The following CCSER1 variants were observed in gnomAD, a reference collection of about 807,000 sequenced individuals.
CCSER1 encodes serine-rich coiled-coil domain-containing protein 1.
A neutral mutation model predicts 82.0 loss-of-function variants in CCSER1; 41 were observed. The observed-to-expected ratio is 0.50, with a 90% CI of 0.39 to 0.65. The LOEUF is 0.65. CCSER1 is among the 30% of genes least tolerant of loss of function. The pLI is 0.00. For synonymous variants in CCSER1, 414 were observed against 383.9 expected (o/e 1.08, Z -0.92); for missense variants, 1,119 against 1,064.2 (o/e 1.05, Z -0.72).
intron 3 of CCSER1, among the ~76,000 whole-genome samples, chr4:90,350,454 T>C (rs1430488202): frequency 6.6e-6 from 1 of 151,984 alleles, no homozygotes; most frequent in Non-Finnish European, 1.5e-5. Context: ...GATGAAGAAA[T>C]AAAAATTGGA....
At chr4:91,562,574 C>G (rs1474167954) in intron 10 of CCSER1, among the ~76,000 whole-genome samples, 1 of 151,430 alleles carries the variant, frequency 6.6e-6, no homozygotes, top group Non-Finnish European at 1.5e-5. Flanking sequence ...TGATTCAGAA[C>G]CCTTGTTCCA....
At chr4:90,491,015 G>C (rs537154010) in intron 5 of CCSER1, among the ~76,000 whole-genome samples, 2 of 152,240 alleles carry the variant, frequency 1.3e-5, no homozygotes, top group African/African-American at 4.8e-5. Flanking sequence ...GCCCTTTTTG[G>C]TTCCATAGGA....
chr4:90,977,061 G>T (rs1449054326), intron 9 of CCSER1, among the ~76,000 whole-genome samples: 1 of 151,502 alleles, frequency 6.6e-6, no homozygotes. Context: ...AAATGCTTTA[G>T]TTTTTATTGG....
chr4:90,795,234 C>T (rs1755825928), intron 7 of CCSER1, among the ~76,000 whole-genome samples: 1 of 151,146 alleles, frequency 6.6e-6, no homozygotes, highest in African/African-American at 2.4e-5. Context: ...TTGCAGTGAG[C>T]CGAGATCGTG....
intron 10 of CCSER1, among the ~76,000 whole-genome samples, chr4:91,370,129 GA>G (rs1320469174): frequency 1.3e-5 from 2 of 151,990 alleles, no homozygotes; most frequent in African/African-American, 2.4e-5. Context: ...TTAATTTGGG[GA>G]TATAAGACTT....
rs559027850 is a variant in CCSER1 at position 91,222,672 on chromosome 4, T to G, written c.2217+136678T>G. 3.3e-5 allele frequency among the ~76,000 whole-genome samples: 5 copies of G among 152,262 alleles called. No individual in the cohort carries two copies. The South Asian group carries it at 1.0e-3, about 32-fold the overall frequency. ...TAATAGGTGTTAGGGGAAACTGCCT[T>G]GCATTGCAGAACCATTCATTGAGCA... On this transcript the variant is annotated intron_variant, in intron 10 of 10. Transcript: ENST00000509176.
intron 5 of CCSER1, among the ~76,000 whole-genome samples, chr4:90,475,154 G>A (rs6857926): frequency 0.067 from 10,185 of 152,110 alleles, 640 homozygotes; most frequent in East Asian, 0.37. Flanking sequence ...TTCCACTTAG[G>A]TTCTTATGTA....
chr4:90,277,101 C>G (rs1010504436), intron 1 of CCSER1, among the ~76,000 whole-genome samples: 6 of 151,692 alleles, frequency 4.0e-5, no homozygotes, highest in Non-Finnish European at 7.4e-5. Context: ...CCTGGCTGCT[C>G]TCACTGTGAC....
chr4:90,991,230 C>T (rs1433339718), intron 9 of CCSER1, among the ~76,000 whole-genome samples: 2 of 151,760 alleles, frequency 1.3e-5, no homozygotes, highest in South Asian at 4.2e-4. Context: ...ACTTAAGCCA[C>T]TCATATCCTA....
At chr4:90,552,784 C>A (rs558646418) in intron 5 of CCSER1, among the ~76,000 whole-genome samples, 2 of 151,970 alleles carry the variant, frequency 1.3e-5, no homozygotes, top group Admixed American at 1.3e-4. Context: ...AAGCTTTTTG[C>A]GTACTAGTCT....
rs544857640 is a variant in CCSER1 at position 90,911,049 on chromosome 4, G to C, written c.2095-12321G>C. ...ACTTAAAAAGCACATTCCAAATCCA[G>C]ATTTCTTTGGACTTCCTGGCATTCT... On this transcript the variant is annotated intron_variant, in intron 8 of 10. Coordinates refer to ENST00000509176, the MANE Select transcript of CCSER1 (RefSeq NM_001145065.2). 1.3e-4 allele frequency among the ~76,000 whole-genome samples: 20 copies of C among 152,274 alleles called. No homozygotes were observed. The South Asian group carries it at 4.1e-3, about 32-fold the overall frequency.
chr4:90,461,117 G>C (rs913358937), intron 4 of CCSER1, among the ~76,000 whole-genome samples: 1 of 102,650 alleles, frequency 9.7e-6, no homozygotes, highest in South Asian at 2.8e-4. Context: ...CCAGGCTGGA[G>C]TGCAGTGGCG....
chr4:91,372,804 C>T lies in CCSER1; in HGVS notation c.2218-225768C>T, dbSNP rs539287675. Among the ~76,000 whole-genome samples the T allele has an allele frequency of 3.9e-5, 6 of 152,046 alleles. No individual in the cohort carries two copies. The South Asian group carries it at 1.0e-3, about 26-fold the overall frequency. On this transcript the variant is annotated intron_variant, in intron 10 of 10. Coordinates refer to ENST00000509176, the MANE Select transcript of CCSER1 (RefSeq NM_001145065.2). Reference sequence around the variant, plus strand: ...ATGAATAATAATATCTAAATTTGGACCATTAAACTCTGAGTAAGAGACAAA... The same window carrying T: ...ATGAATAATAATATCTAAATTTGGATCATTAAACTCTGAGTAAGAGACAAA...
intron 6 of CCSER1, among the ~76,000 whole-genome samples, chr4:90,695,137 C>T (rs1272869432): frequency 1.3e-5 from 2 of 150,456 alleles, no homozygotes; most frequent in Non-Finnish European, 3.0e-5. Context: ...TATTGGGGAA[C>T]TAAAAGATGT....
chr4:90,732,188 G>C (rs542404792), intron 7 of CCSER1, among the ~76,000 whole-genome samples: 169 of 152,110 alleles, frequency 1.1e-3, no homozygotes, highest in African/African-American at 3.8e-3. Flanking sequence ...CTTCCCCTAG[G>C]GTGAATGTTC....
chr4:90,650,214 C>T (rs1258335389), intron 6 of CCSER1, among the ~76,000 whole-genome samples: 3 of 148,080 alleles, frequency 2.0e-5, no homozygotes, highest in Non-Finnish European at 4.5e-5. Flanking sequence ...AAGACTCCGT[C>T]TCAAAAACAA....
At chr4:90,829,665 A>C (rs1472170268) in intron 8 of CCSER1, among the ~76,000 whole-genome samples, 1 of 152,160 alleles carries the variant, frequency 6.6e-6, no homozygotes, top group Non-Finnish European at 1.5e-5. Flanking sequence ...AAAAGTCTTT[A>C]GAACATGAAA....
intron 6 of CCSER1, among the ~76,000 whole-genome samples, chr4:90,653,826 A>T (rs748180318): frequency 6.6e-6 from 1 of 152,182 alleles, no homozygotes; most frequent in African/African-American, 2.4e-5. Context: ...TCACACTGCT[A>T]TAAAGAACTA....
At chr4:90,571,902 A>T (rs1366659201) in intron 5 of CCSER1, among the ~76,000 whole-genome samples, 1 of 152,160 alleles carries the variant, frequency 6.6e-6, no homozygotes, top group African/African-American at 2.4e-5. Context: ...TATATTTAAG[A>T]TATAAATAAC....
Sources: gnomAD v4.1 joint callset for allele counts (sites outside exome capture counted in the v4.1 genomes callset) on GRCh38, gnomAD v4.1.1 for gene constraint, MANE v1.5 for transcripts, NCBI Gene and HGNC (gene_info 2026-07-23, HGNC 2026-07-21) for gene names.